Variants in NIPA2 observed in about 807,000 individuals in gnomAD.
NIPA2 encodes the protein magnesium transporter NIPA2.
Under a neutral mutation model 29.7 loss-of-function variants are expected in NIPA2, and 11 were observed. The ratio of observed to expected loss-of-function variants is 0.37; its 90% CI spans 0.23 to 0.61. The LOEUF (loss-of-function observed/expected upper bound fraction) is 0.61. Ranked by LOEUF, NIPA2 falls within the 20% of genes least tolerant of loss-of-function variation. The pLI, the probability that NIPA2 is intolerant of heterozygous loss-of-function variation, is 0.66. For synonymous variants in NIPA2, 183 were observed against 161.9 expected (o/e 1.13, Z -0.99); for missense variants, 426 against 437.9 (o/e 0.97, Z 0.24).
Position 22,867,068 on chromosome 15 carries a change from A to ATTG in NIPA2, c.*226_*228dup, listed in dbSNP as rs375372291. 4 of 520,616 alleles carry ATTG rather than the reference A, an allele frequency of 7.7e-6. No individual in the cohort carries two copies. The highest frequency in any genetic ancestry group is 5.8e-5 in the African/African-American group (3 of 51,410). The allele number at this position is 520,616 out of a possible 1,614,324, so 32.2% of individuals were successfully genotyped here. ...ACATGACGATTTCTATTAACATTTT[A>ATTG]TTGTTGTAGAAGTATTTTACATTTT... is the stretch of plus-strand genomic sequence containing the variant. On this transcript the variant is annotated 3_prime_UTR_variant, in exon 8 of 8. Transcript: ENST00000337451.
Position 22,858,711 on chromosome 15 carries a change from T to C in NIPA2, c.287+81T>C, listed in dbSNP as rs535784416. ...TTCAGTACCATCTAATTAAATATGT[T>C]CAACACAATTTACATTTCAACAACC... On this transcript the variant is annotated intron_variant, in intron 6 of 7. Transcript: ENST00000337451. 8.5e-6 allele frequency: 7 copies of C among 827,862 alleles called. No individual in the cohort carries two copies. In the African/African-American group the frequency reaches 1.1e-4, roughly 13 times the overall value. 51.3% of individuals were successfully genotyped at this position (827,862 alleles called of 1,614,324 possible). A position where few individuals can be genotyped will look rare whatever the true frequency, so the allele number is the denominator to read the frequency against.
intron 7 of NIPA2, among the ~76,000 whole-genome samples, chr15:22,863,049 G>A (rs2058730511): frequency 6.6e-6 from 1 of 150,532 alleles, no homozygotes; most frequent in African/African-American, 2.4e-5. Flanking sequence ...CTACAGGTGT[G>A]TGCCACCACA....
intron 3 of NIPA2, among the ~76,000 whole-genome samples, chr15:22,850,146 G>GTT (rs1401138840): frequency 6.6e-6 from 1 of 152,006 alleles, no homozygotes; most frequent in Non-Finnish European, 1.5e-5. Flanking sequence ...CAGTAAGCCT[G>GTT]TTTGTGTGTG....
At position 22,857,035 on chromosome 15, in the gene NIPA2, C is replaced by T. The variant is rs555775617; in HGVS notation, c.197-1505C>T. Among the ~76,000 whole-genome samples, 10 of 152,334 alleles carry T rather than the reference C, an allele frequency of 6.6e-5. No homozygotes were observed. The East Asian group carries it at 1.7e-3, about 26-fold the overall frequency. On this transcript the variant is annotated intron_variant, in intron 5 of 7. Transcript: ENST00000337451. ...GCCATGACACATAGTAGGATACCTTCTTTCATCACCAGCACTTTATTCTTT... is the reference window on the plus strand; with the variant it reads ...GCCATGACACATAGTAGGATACCTTTTTTCATCACCAGCACTTTATTCTTT...
chr15:22,843,574 G>A (rs1225782985), intron 2 of NIPA2, among the ~76,000 whole-genome samples: 2 of 151,828 alleles, frequency 1.3e-5, no homozygotes, highest in Admixed American at 6.6e-5. Context: ...TTTTAATTAA[G>A]GCTTTGTTGA....
intron 5 of NIPA2, 21 bp from the exon 6 acceptor site, chr15:22,858,519 C>G (rs1020195597): frequency 1.3e-6 from 2 of 1,569,168 alleles, no homozygotes; most frequent in African/African-American, 1.4e-5. Flanking sequence ...CTGAGTTTTT[C>G]TTTTGTTGTC....
At chr15:22,840,129 C>T (rs1029678839) in intron 2 of NIPA2, among the ~76,000 whole-genome samples, 1 of 151,944 alleles carries the variant, frequency 6.6e-6, no homozygotes, top group Non-Finnish European at 1.5e-5. Flanking sequence ...CCATGTTACA[C>T]CGGCTGGTCT....
Position 22,853,218 on chromosome 15 carries a change from G to A in NIPA2, c.146G>A (p.Gly49Asp). Residue 49 changes from glycine (G) to aspartate (D), a missense_variant, in exon 5 of 8, where the codon GGT becomes GAT. By Grantham distance (94) the Gly-to-Asp change is moderately conservative. Transcript: ENST00000337451. The stretch of plus-strand genomic sequence containing the variant: ...AATATTTCTTCATTCACAGGTCAAG[G>A]TGGCCATGCATATCTTAAGGAATGG... ...ARKGSMRAGQ[G>D]GHAYLKEWLW... The A allele has an allele frequency of 6.2e-7, 1 of 1,607,160 alleles. No individual in the cohort carries two copies.
At chr15:22,843,761 C>T (rs1387630423) in intron 2 of NIPA2, among the ~76,000 whole-genome samples, 1 of 151,926 alleles carries the variant, frequency 6.6e-6, no homozygotes, top group Non-Finnish European at 1.5e-5. Context: ...ATAGATTCTC[C>T]TTCCTTAGCC....
intron 7 of NIPA2, among the ~76,000 whole-genome samples, chr15:22,862,764 G>T (rs1300212731): frequency 2.0e-5 from 3 of 152,108 alleles, no homozygotes; most frequent in African/African-American, 4.8e-5. Context: ...GAGGTTTTAA[G>T]TGATGTTTTT....
chr15:22,840,730 T>A (rs1896855195), intron 2 of NIPA2, among the ~76,000 whole-genome samples: 1 of 152,190 alleles, frequency 6.6e-6, no homozygotes, highest in Non-Finnish European at 1.5e-5. Flanking sequence ...GATACCTTCA[T>A]CTTATTGCGT....
chr15:22,847,551 G>A (rs1899131920), intron 3 of NIPA2, among the ~76,000 whole-genome samples: 2 of 151,086 alleles, frequency 1.3e-5, no homozygotes, highest in Non-Finnish European at 2.9e-5. Flanking sequence ...TGAAACCTCC[G>A]CCTTCTGGCT....
chr15:22,857,576 C>G (rs1425154627), intron 5 of NIPA2, among the ~76,000 whole-genome samples: 1 of 151,808 alleles, frequency 6.6e-6, no homozygotes. Flanking sequence ...GTGGCTCACG[C>G]CTATAATCCC....
intron 2 of NIPA2, among the ~76,000 whole-genome samples, chr15:22,843,607 G>A (rs17137353): frequency 0.037 from 5,587 of 151,490 alleles, 274 homozygotes; most frequent in East Asian, 0.23. Context: ...GCTGTGAAAA[G>A]TTTAAGGCTG....
rs1595333800 is a variant in NIPA2 at position 22,851,859 on chromosome 15, C to G, written c.128C>G (p.Ser43Cys). 6 of 1,613,364 alleles carry G rather than the reference C, an allele frequency of 3.7e-6. No individual in the cohort carries two copies. The highest frequency in any genetic ancestry group is 5.1e-6 in the Non-Finnish European group (6 of 1,179,724). The change falls in exon 4 of 8, where the codon TCT becomes TGT. Residue 43 changes from serine (S) to cysteine (C), a missense_variant. Physicochemically the swap from Ser to Cys is moderately radical, Grantham distance 112. This residue lies in a region of NIPA2 where 57 missense variants were observed against 66.6 expected (regional missense o/e 0.86). Transcript: ENST00000337451. Reference protein sequence around the residue: ...KGLLRLARKGSMRAGQGGHAY... With the variant: ...KGLLRLARKGCMRAGQGGHAY... ...CTCCTTCGACTTGCCAGGAAAGGCT[C>G]TATGAGAGCAGGTAGGTTATGCCTT...
At chr15:22,853,147 A>G (rs925844769) in intron 4 of NIPA2, 65 bp from the exon 5 acceptor site, 4 of 1,059,942 alleles carry the variant, frequency 3.8e-6, no homozygotes, top group East Asian at 2.4e-5. Flanking sequence ...GTCATTACTA[A>G]TAGTTATAAT....
At chr15:22,847,622 G>A (rs1255501815) in intron 3 of NIPA2, among the ~76,000 whole-genome samples, 1 of 151,818 alleles carries the variant, frequency 6.6e-6, no homozygotes, top group East Asian at 1.9e-4. Flanking sequence ...CCGCCACTGC[G>A]CCAGCTAATT....
chr15:22,842,595 G>A (rs1340778575), intron 2 of NIPA2, among the ~76,000 whole-genome samples: 1 of 151,866 alleles, frequency 6.6e-6, no homozygotes, highest in Non-Finnish European at 1.5e-5. Context: ...TTGGGAGGCC[G>A]AGGCAGAAGG....
At position 22,867,519 on chromosome 15, in the gene NIPA2, C is replaced by T. The variant is rs1396122423; in HGVS notation, c.*672C>T. 7.6e-6 allele frequency: 2 copies of T among 263,914 alleles called. No individual in the cohort carries two copies. The highest frequency in any genetic ancestry group is 1.3e-4 in the East Asian group (2 of 15,164). The allele number at this position is 263,914 out of a possible 1,614,324, so 16.3% of individuals were successfully genotyped here. A position where few individuals can be genotyped will look rare whatever the true frequency, so the allele number is the denominator to read the frequency against. ...AGCCAGCACATCCTGCCTGCTGTTGCAGCCTGGCTGGGTTTATTCTTCAGT... is the reference window on the plus strand; with the variant it reads ...AGCCAGCACATCCTGCCTGCTGTTGTAGCCTGGCTGGGTTTATTCTTCAGT... On this transcript the variant is annotated 3_prime_UTR_variant, in exon 8 of 8. Transcript: ENST00000337451.
Sources: allele counts gnomAD v4.1 joint callset (sites outside exome capture counted in the v4.1 genomes callset), GRCh38; gene constraint gnomAD v4.1.1; regional missense constraint gnomAD v4.1.1; transcripts MANE v1.5; gene names NCBI Gene and HGNC (gene_info 2026-07-23, HGNC 2026-07-21).